Variants in COL1A1 observed in about 807,000 individuals in gnomAD.
COL1A1 encodes collagen type I alpha 1 chain, also known as collagen alpha-1(I) chain.
Under a neutral mutation model 195.7 loss-of-function variants are expected in COL1A1, and 21 were observed. The ratio of observed to expected loss-of-function variants is 0.11; its 90% CI spans 0.08 to 0.15. The LOEUF is 0.15. Among genes scored for constraint, COL1A1 ranks in the 10% least tolerant of loss-of-function variants. The probability of loss-of-function intolerance (pLI) is 1.00; values close to 1 mark genes in which losing one functional copy is unlikely to be tolerated. For missense variants in COL1A1, 1,365 were observed against 2,051.0 expected (o/e 0.67, Z 6.46); for synonymous variants, 749 against 747.3 (o/e 1.00, Z -0.04).
chr17:50,192,091 AC>A, intron 29 of COL1A1, 67 bp from the exon 30 acceptor site: 1 of 1,542,162 alleles, frequency 6.5e-7, no homozygotes, highest in African/African-American at 1.4e-5. Context: ...GCTGGAAAGC[AC>A]GGTCCTTCCT....
chr17:50,186,030 A>T lies in COL1A1; in HGVS notation c.4006-10T>A. Reference sequence around the variant, plus strand: ...GGCCGCCATACTCGAACTGCAGGGGAGGGGAGAGAGGGAAGAGTGAGCCGC... The same window carrying T: ...GGCCGCCATACTCGAACTGCAGGGGTGGGGAGAGAGGGAAGAGTGAGCCGC... On this transcript the variant is annotated splice_polypyrimidine_tract_variant and intron_variant, in intron 49 of 50. Coordinates refer to ENST00000225964, the MANE Select transcript of COL1A1 (RefSeq NM_000088.4). The surrounding 1 kb of genome is among the most constrained non-coding windows in gnomAD (Gnocchi z 5.3). The T allele has an allele frequency of 6.2e-7, 1 of 1,611,608 alleles. No individual in the cohort carries two copies. Among genetic ancestry groups the T allele is most frequent in the Non-Finnish European group, 8.5e-7 (1 of 1,179,838 alleles).
intron 6 of COL1A1, 95 bp downstream of exon 6, chr17:50,198,338 T>A (rs1419576337): frequency 6.5e-7 from 1 of 1,543,294 alleles, no homozygotes; most frequent in Non-Finnish European, 8.9e-7. Context: ...AAAGGTGATC[T>A]GGACCTCCCA....
rs750960614 is a variant in COL1A1 at position 50,189,339 on chromosome 17, A to T, written c.2829+38T>A. Reference sequence around the variant, plus strand: ...CACAGGGACCCCTCCCCAGCTCTGCACACCTCCGGAGCTGCAGAGATCTGA... The same window carrying T: ...CACAGGGACCCCTCCCCAGCTCTGCTCACCTCCGGAGCTGCAGAGATCTGA... On this transcript the variant is annotated intron_variant, in intron 39 of 50. Transcript: ENST00000225964. This position sits in a 1 kb window ranked among gnomAD's most constrained non-coding sequence, Gnocchi z 5.5. The T allele has an allele frequency of 3.7e-6, 6 of 1,613,502 alleles. No individual in the cohort carries two copies. The highest frequency in any genetic ancestry group is 5.1e-6 in the Non-Finnish European group (6 of 1,179,920).
Position 50,196,145 on chromosome 17 carries a change from C to T in COL1A1, c.1002+10G>A. 1 of 1,614,044 alleles carries T rather than the reference C, an allele frequency of 6.2e-7. No individual in the cohort carries two copies. The highest frequency in any genetic ancestry group is 8.5e-7 in the Non-Finnish European group (1 of 1,179,932). ...ACTCCCAGGCCCTGAGGCCTACAGGCCACACTCACAGGGGGCCCGGCAGCA... is the reference window on the plus strand; with the variant it reads ...ACTCCCAGGCCCTGAGGCCTACAGGTCACACTCACAGGGGGCCCGGCAGCA... On this transcript the variant is annotated intron_variant, in intron 15 of 50. Transcript: ENST00000225964.
rs764122071 is a variant in COL1A1, at chr17:50,192,544, G to A, written c.1930-16C>T. ...CAGGGAGACCCTGTAGGTGGGAAAT[G>A]GGGGAAGAAGGGAGGGAAGGTTTAG... On this transcript the variant is annotated splice_polypyrimidine_tract_variant and intron_variant, in intron 28 of 50. Transcript: ENST00000225964. 1.9e-6 allele frequency: 3 copies of A among 1,614,056 alleles called. No homozygotes were observed. The highest frequency in any genetic ancestry group is 2.2e-5 in the South Asian group (2 of 91,078).
At chr17:50,187,194 A>G in intron 46 of COL1A1, 72 bp from the exon 47 acceptor site, 1 of 1,245,184 alleles carries the variant, frequency 8.0e-7, no homozygotes, top group Admixed American at 2.0e-5. Flanking sequence ...GGAGAGGCCC[A>G]CCACCCTCCC....
rs139673121 is a variant in COL1A1 at position 50,191,821 on chromosome 17, C to T, written c.2094G>A (p.Gly698=). Residue 698 remains glycine (G), a synonymous_variant, in exon 31 of 51, where the codon GGG becomes GGA. Coordinates refer to ENST00000225964, the MANE Select transcript of COL1A1 (RefSeq NM_000088.4). ...CATCGTTGCCGGGAGCACCGTTGGC[C>T]CCTCGGGGACCAGCAGGACCAGGGG... The part of the protein sequence containing the change: ...QGPPGPAGPR[G]ANGAPGNDGA... 4 of 1,599,260 alleles carry T rather than the reference C, an allele frequency of 2.5e-6. No individual in the cohort carries two copies. The African/African-American group carries it at 4.0e-5, about 16-fold the overall frequency.
intron 25 of COL1A1, chr17:50,193,700 C>A: frequency 1.9e-6 from 1 of 513,646 alleles, no homozygotes; most frequent in South Asian, 2.0e-5. Context: ...CCCGACTGGT[C>A]TCAAACTCCT....
chr17:50,201,124 C>G (rs996076577), intron 1 of COL1A1, among the ~76,000 whole-genome samples: 2 of 152,000 alleles, frequency 1.3e-5, no homozygotes, highest in African/African-American at 4.8e-5. Flanking sequence ...GCTTTCCTCA[C>G]TCTGCACCCA....
In COL1A1 at chr17:50,199,931, G is replaced by A. The variant is rs762780039; in HGVS notation, c.120C>T (p.Cys40=). 6.2e-7 allele frequency: 1 copy of A among 1,614,200 alleles called. No homozygotes were observed. Among genetic ancestry groups the A allele is most frequent in the Non-Finnish European group, 8.5e-7 (1 of 1,180,044 alleles). Reference sequence around the variant, plus strand: ...CATGGTACCTGAGGCCGTTCTGTACGCAGGTGATTGGTGGGACTGGGACAG... The same window carrying A: ...CATGGTACCTGAGGCCGTTCTGTACACAGGTGATTGGTGGGACTGGGACAG... ...GQDEDIPPIT[C]VQNGLRYHDR... Residue 40 remains cysteine (C), a synonymous_variant, in exon 2 of 51, where the codon TGC becomes TGT. Coordinates refer to ENST00000225964, the MANE Select transcript of COL1A1 (RefSeq NM_000088.4).
In COL1A1 at chr17:50,188,759, C is replaced by T. The variant is rs72653175; in HGVS notation, c.3082G>A (p.Gly1028Ser). 5 of 1,614,070 alleles carry T rather than the reference C, an allele frequency of 3.1e-6. No individual in the cohort carries two copies. The highest frequency in any genetic ancestry group is 1.1e-5 in the South Asian group (1 of 91,082). ...PGAEGSPGRD[G>S]SPGAKGDRGE... ...CATCTTACCTTGGCGCCAGGAGAAC[C>T]GTCTCGTCCAGGGGAACCTTCGGCA... is the stretch of plus-strand genomic sequence containing the variant. The change falls in exon 42 of 51, where the codon GGT becomes AGT. Residue 1028 changes from glycine to serine, a missense_variant. By Grantham distance (56) the Gly-to-Ser change is moderately conservative. Around this residue, in one of 5 missense-constraint regions of COL1A1, gnomAD observed 671 missense variants for 1,099.9 expected, o/e 0.61. Transcript: ENST00000225964. This position sits in a 1 kb window ranked among gnomAD's most constrained non-coding sequence, Gnocchi z 5.6.
rs760201032 is a variant in COL1A1, at chr17:50,199,730, CCA to C, written c.298+21_298+22del. ...GGCCCCAGGCCCCAGGCCCCAGGCC[CCA>C]GGCCCCGAGCGCAGCCGCACCTGAG... On this transcript the variant is annotated intron_variant, in intron 2 of 50. Transcript: ENST00000225964. The C allele has an allele frequency of 9.3e-6, 9 of 963,188 alleles. No individual in the cohort carries two copies. The East Asian group carries it at 1.5e-4, about 16-fold the overall frequency. The allele number at this position is 963,188 out of a possible 1,614,324, so 59.7% of individuals were successfully genotyped here.
chr17:50,186,112 C>G lies in COL1A1; in HGVS notation c.4006-92G>C. On this transcript the variant is annotated intron_variant, in intron 49 of 50. Transcript: ENST00000225964. The surrounding 1 kb of genome is among the most constrained non-coding windows in gnomAD (Gnocchi z 5.3). ...CCTGTCCAGGGTCCTCAGAGAGCTG[C>G]CCAATGCACCGTTATATCGAGAGGA... The G allele has an allele frequency of 6.3e-7, 1 of 1,576,896 alleles. No homozygotes were observed. Among genetic ancestry groups the G allele is most frequent in the East Asian group, 2.3e-5 (1 of 44,294 alleles).
rs1365812161 is a variant in COL1A1, at chr17:50,184,596, CCCACCCAT to C, written c.*898_*905del. ...ATAGCACCAGTGATTCCCTCCCCAC[CCCACCCAT>C]CACATAGATGTAGCACCTTTGGTAT... On this transcript the variant is annotated 3_prime_UTR_variant, in exon 51 of 51. Coordinates refer to ENST00000225964, the MANE Select transcript of COL1A1 (RefSeq NM_000088.4). 4.4e-6 allele frequency: 1 copy of C among 229,556 alleles called. No homozygotes were observed. The highest frequency in any genetic ancestry group is 8.6e-6 in the Non-Finnish European group (1 of 115,682). The allele number at this position is 229,556 out of a possible 1,614,324, so 14.2% of individuals were successfully genotyped here.
Position 50,188,999 on chromosome 17 carries a change from G to A in COL1A1, c.2949C>T (p.Gly983=), listed in dbSNP as rs201236489. The change falls in exon 41 of 51, where the codon GGC becomes GGT. Residue 983 remains glycine, a synonymous_variant. Transcript: ENST00000225964. The surrounding 1 kb of genome is among the most constrained non-coding windows in gnomAD (Gnocchi z 5.6). ...PGLPGPSGEP[G]KQGPSGASGE... is the part of the protein sequence containing the mutation. ...CACTTGCTCCAGAGGGACCTTGTTT[G>A]CCAGGTTCACCCTAAGGGAGAAGAA... The A allele has an allele frequency of 8.7e-6, 14 of 1,612,632 alleles. No individual in the cohort carries two copies. Among genetic ancestry groups the A allele is most frequent in the African/African-American group, 1.3e-5 (1 of 74,630 alleles).
rs1048748650 is a variant in COL1A1, at chr17:50,201,592, G to T, written c.-79C>A. The T allele has an allele frequency of 1.4e-5, 19 of 1,319,718 alleles. No homozygotes were observed. Among genetic ancestry groups the T allele is most frequent in the Middle Eastern group, 5.2e-4 (2 of 3,812 alleles). The allele number at this position is 1,319,718 out of a possible 1,614,324, so 81.8% of individuals were successfully genotyped here. A position where few individuals can be genotyped will look rare whatever the true frequency, so the allele number is the denominator to read the frequency against. ...GCTCATGCGTGGCCTCACACTCCGC[G>T]TGCCTCCTGCTCCGACCCCGAGGAG... is the stretch of plus-strand genomic sequence containing the variant. On this transcript the variant is annotated 5_prime_UTR_variant, in exon 1 of 51. Transcript: ENST00000225964.
At position 50,194,563 on chromosome 17, in the gene COL1A1, G is replaced by A; in HGVS notation, c.1515+10C>T. ...GCAGGGTCAGCCCCCCGGCCGCAAG[G>A]AGAGGTTACCTTGGGACCAGCAACA... On this transcript the variant is annotated intron_variant, in intron 22 of 50. Coordinates refer to ENST00000225964, the MANE Select transcript of COL1A1 (RefSeq NM_000088.4). This position sits in a 1 kb window ranked among gnomAD's most constrained non-coding sequence, Gnocchi z 6.8. 6.3e-7 allele frequency: 1 copy of A among 1,595,064 alleles called. No individual in the cohort carries two copies. Among genetic ancestry groups the A allele is most frequent in the Non-Finnish European group, 8.5e-7 (1 of 1,170,830 alleles).
chr17:50,201,477 A>G lies in COL1A1; in HGVS notation c.37T>C (p.Leu13=). ...SFVDLRLLLL[L]AATALLTHGQ... is the part of the protein sequence containing the mutation. Reference sequence around the variant, plus strand: ...TGCGTCAGGAGGGCGGTGGCCGCTAAGAGGAGCAGGAGCCGGAGGTCCACA... The same window carrying G: ...TGCGTCAGGAGGGCGGTGGCCGCTAGGAGGAGCAGGAGCCGGAGGTCCACA... The change falls in exon 1 of 51, where the codon TTA becomes CTA. Residue 13 remains leucine (L), a synonymous_variant. Coordinates refer to ENST00000225964, the MANE Select transcript of COL1A1 (RefSeq NM_000088.4). 6.2e-7 allele frequency: 1 copy of G among 1,612,902 alleles called. No individual in the cohort carries two copies. The highest frequency in any genetic ancestry group is 2.2e-5 in the East Asian group (1 of 44,872).
chr17:50,190,745 C>G lies in COL1A1; in HGVS notation c.2343+72G>C. On this transcript the variant is annotated intron_variant, in intron 33 of 50. Transcript: ENST00000225964. This position sits in a 1 kb window ranked among gnomAD's most constrained non-coding sequence, Gnocchi z 4.7. ...CAGGACCTGCTCTCCCAACGCAACC[C>G]CACGGAACCGTGCCCAGGCCTGCTG... is the stretch of plus-strand genomic sequence containing the variant. 3.3e-6 allele frequency: 5 copies of G among 1,520,004 alleles called. No homozygotes were observed. The highest frequency in any genetic ancestry group is 4.6e-6 in the Non-Finnish European group (5 of 1,096,616). 94.2% of individuals were successfully genotyped at this position (1,520,004 alleles called of 1,614,324 possible). A position where few individuals can be genotyped will look rare whatever the true frequency, so the allele number is the denominator to read the frequency against.
Sources: allele counts gnomAD v4.1 joint callset (sites outside exome capture counted in the v4.1 genomes callset), GRCh38; gene constraint gnomAD v4.1.1; regional missense constraint gnomAD v4.1.1; non-coding constraint Gnocchi (gnomAD v3.1); transcripts MANE v1.5; gene names NCBI Gene and HGNC (gene_info 2026-07-23, HGNC 2026-07-21).